The following FLRT3 variants were observed in gnomAD, a reference collection of about 807,000 sequenced individuals.
FLRT3 encodes fibronectin leucine rich transmembrane protein 3, also known as leucine-rich repeat transmembrane protein FLRT3.
A neutral mutation model predicts 42.6 loss-of-function variants in FLRT3; 17 were observed. The observed-to-expected ratio is 0.40, with a 90% CI of 0.27 to 0.60. FLRT3 has a LOEUF of 0.60. Ranked by LOEUF, FLRT3 falls within the 20% of genes least tolerant of loss-of-function variation. The pLI is 0.44. For missense variants in FLRT3, 635 were observed against 789.2 expected, an observed-to-expected ratio of 0.80 and a Z score of 2.34; for synonymous variants, 279 against 286.4, an observed-to-expected ratio of 0.97 and a Z score of 0.26.
chr20:14,333,641 G>T (rs1033370336), intron 1 of FLRT3, among the ~76,000 whole-genome samples: 2 of 152,102 alleles, frequency 1.3e-5, no homozygotes, highest in Admixed American at 1.3e-4. Context: ...AACAGTGTGG[G>T]TACAACTTGG....
At position 14,327,321 on chromosome 20, in the gene FLRT3, AGTTGTAGCATCC is replaced by A; in HGVS notation, c.174_185del (p.Glu58_Thr62delinsAsp). ...TTATTTGGTTGTTCTGAAGGTAGAG[AGTTGTAGCATCC>A]TCTGGTATTCCTGTTGGAATGGATG... On this transcript the variant is annotated inframe_deletion, in exon 3 of 3. Coordinates refer to ENST00000341420, the MANE Select transcript of FLRT3 (RefSeq NM_198391.3). The A allele has an allele frequency of 1.2e-6, 2 of 1,613,810 alleles. No individual in the cohort carries two copies. Among genetic ancestry groups the A allele is most frequent in the Non-Finnish European group, 1.7e-6 (2 of 1,179,774 alleles).
Position 14,325,617 on chromosome 20 carries a change from G to A in FLRT3, c.1890C>T (p.Ser630=). The A allele has an allele frequency of 4.3e-6, 7 of 1,613,556 alleles. No individual in the cohort carries two copies. Among genetic ancestry groups the A allele is most frequent in the Non-Finnish European group, 5.1e-6 (6 of 1,179,662 alleles). Residue 630 remains serine, a synonymous_variant, in exon 3 of 3, where the codon AGC becomes AGT. Coordinates refer to ENST00000341420, the MANE Select transcript of FLRT3 (RefSeq NM_198391.3). ...TGTCTCTGTAGCTTCGGTTACTACT[G>A]CTTTCACTGTGATTGTTTTTGTACA... ...MNLYKNNHSE[S]SSNRSYRDSG... is the part of the protein sequence containing the mutation.
chr20:14,331,913 A>G (rs1347775010), intron 1 of FLRT3, among the ~76,000 whole-genome samples: 2 of 152,144 alleles, frequency 1.3e-5, no homozygotes, highest in Non-Finnish European at 2.9e-5. Flanking sequence ...CACTGACTTC[A>G]GAGCCTTTCT....
rs550377684 is a variant in FLRT3 at position 14,333,687 on chromosome 20, A to G, written c.-247+3717T>C. ...TTAAATTTCTAATATTTAAGTTTCC[A>G]TACAGTAGTTCAGCAAATACATTTA... On this transcript the variant is annotated intron_variant, in intron 1 of 2. Coordinates refer to ENST00000341420, the MANE Select transcript of FLRT3 (RefSeq NM_198391.3). Among the ~76,000 whole-genome samples the G allele has an allele frequency of 6.6e-5, 10 of 152,344 alleles. No homozygotes were observed. In the East Asian group the frequency reaches 1.9e-3, roughly 29 times the overall value.
Position 14,326,805 on chromosome 20 carries a change from C to A in FLRT3, c.702G>T (p.Arg234=), listed in dbSNP as rs1413963482. The change falls in exon 3 of 3, where the codon CGG becomes CGT. Residue 234 remains arginine (R), a synonymous_variant. Coordinates refer to ENST00000341420, the MANE Select transcript of FLRT3 (RefSeq NM_198391.3). The surrounding 1 kb of genome is among the most constrained non-coding windows in gnomAD (Gnocchi z 5.5). ...TTACTGGTGCAGCAGTCAGGGAATT[C>A]CGCACCAGGGACAGCTCTGTCAAAT... ...LVNLTELSLV[R]NSLTAAPVNL... is the part of the protein sequence containing the mutation. 1.9e-6 allele frequency: 3 copies of A among 1,613,752 alleles called. No homozygotes were observed. The South Asian group carries it at 3.3e-5, about 18-fold the overall frequency.
intron 1 of FLRT3, among the ~76,000 whole-genome samples, chr20:14,333,042 A>G (rs1291534737): frequency 6.6e-6 from 1 of 151,938 alleles, no homozygotes; most frequent in African/African-American, 2.4e-5. Flanking sequence ...TGATCATCAG[A>G]TTTCAGGAAA....
chr20:14,334,470 G>A (rs2082900923), intron 1 of FLRT3, among the ~76,000 whole-genome samples: 1 of 152,146 alleles, frequency 6.6e-6, no homozygotes, highest in Admixed American at 6.5e-5. Flanking sequence ...ATGCAGTTTT[G>A]AGGATTAATA....
intron 1 of FLRT3, among the ~76,000 whole-genome samples, chr20:14,332,321 G>T (rs2082859315): frequency 6.6e-6 from 1 of 151,954 alleles, no homozygotes; most frequent in Admixed American, 6.6e-5. Context: ...ACTAATATAA[G>T]AAGTTGTATC....
At position 14,324,787 on chromosome 20, in the gene FLRT3, AT is replaced by A; in HGVS notation, c.*769del. On this transcript the variant is annotated 3_prime_UTR_variant, in exon 3 of 3. Transcript: ENST00000341420. The stretch of plus-strand genomic sequence containing the variant: ...AGTTTCCATGTTTTCCTAAGTACAC[AT>A]TTTCCCCCCAACTTGGAAGCACATT... 6.6e-6 allele frequency: 1 copy of A among 152,144 alleles called. No homozygotes were observed. Among genetic ancestry groups the A allele is most frequent in the Non-Finnish European group, 1.5e-5 (1 of 68,002 alleles). The allele number at this position is 152,144 out of a possible 1,614,324, so 9.4% of individuals were successfully genotyped here.
chr20:14,331,039 C>T (rs2082826988), intron 1 of FLRT3, among the ~76,000 whole-genome samples: 1 of 151,988 alleles, frequency 6.6e-6, no homozygotes. Flanking sequence ...TGAGAACCTG[C>T]TTAAAATGTT....
At position 14,327,570 on chromosome 20, in the gene FLRT3, T is replaced by G; in HGVS notation, c.-52-12A>C. On this transcript the variant is annotated splice_polypyrimidine_tract_variant and intron_variant, in intron 2 of 2. Coordinates refer to ENST00000341420, the MANE Select transcript of FLRT3 (RefSeq NM_198391.3). ...GTTACTTCAGAACCCTAAAATGAAG[T>G]GAGTAAAAAAAGACAGAAAACAATA... is the stretch of plus-strand genomic sequence containing the variant. The G allele has an allele frequency of 6.6e-7, 1 of 1,504,142 alleles. No individual in the cohort carries two copies. The highest frequency in any genetic ancestry group is 2.3e-5 in the East Asian group (1 of 43,432). 93.2% of individuals were successfully genotyped at this position (1,504,142 alleles called of 1,614,324 possible).
Position 14,327,460 on chromosome 20 carries a change from C to T in FLRT3, c.47G>A (p.Gly16Glu), listed in dbSNP as rs755872978. The change falls in exon 3 of 3, where the codon GGG (glycine) becomes GAG (glutamate). Residue 16 changes from glycine (G) to glutamate (E), a missense_variant. By Grantham distance (98) the Gly-to-Glu change is moderately conservative. Transcript: ENST00000341420. ...TAGAGGTGCTACTTGAAGGAACAGCCCAATTTTAGTCCCGATGAGGAAGAT... is the reference window on the plus strand; with the variant it reads ...TAGAGGTGCTACTTGAAGGAACAGCTCAATTTTAGTCCCGATGAGGAAGAT... ...WSIFLIGTKI[G>E]LFLQVAPLSV... The T allele has an allele frequency of 1.1e-5, 18 of 1,613,244 alleles. No individual in the cohort carries two copies. In the Middle Eastern group the frequency reaches 1.8e-3, roughly 162 times the overall value.
Position 14,325,519 on chromosome 20 carries a change from A to G in FLRT3, c.*38T>C. On this transcript the variant is annotated 3_prime_UTR_variant, in exon 3 of 3. Transcript: ENST00000341420. Reference sequence around the variant, plus strand: ...CTACCATCACCTCCCTTAGGTTTAAAAAACCCAAAACACAAGTCTGCTGTG... The same window carrying G: ...CTACCATCACCTCCCTTAGGTTTAAGAAACCCAAAACACAAGTCTGCTGTG... 1.3e-6 allele frequency: 2 copies of G among 1,561,674 alleles called. No individual in the cohort carries two copies. Among genetic ancestry groups the G allele is most frequent in the Non-Finnish European group, 1.7e-6 (2 of 1,155,808 alleles).
chr20:14,330,265 A>G (rs1216213723), intron 1 of FLRT3, among the ~76,000 whole-genome samples: 2 of 152,106 alleles, frequency 1.3e-5, no homozygotes. Flanking sequence ...ATTATCAAAT[A>G]TGCACGAAGA....
intron 1 of FLRT3, among the ~76,000 whole-genome samples, chr20:14,330,716 C>A (rs1256990664): frequency 6.6e-6 from 1 of 152,054 alleles, no homozygotes; most frequent in Non-Finnish European, 1.5e-5. Context: ...AAAGTGCCCA[C>A]AGAGGAAAGT....
At chr20:14,330,646 G>C (rs985377297) in intron 1 of FLRT3, among the ~76,000 whole-genome samples, 1 of 152,008 alleles carries the variant, frequency 6.6e-6, no homozygotes. Context: ...TATTATTTAC[G>C]CAACTTGAAA....
In FLRT3 at chr20:14,323,921, ATAAG is replaced by A. The variant is rs1189554790; in HGVS notation, c.*1632_*1635del. 24 of 152,346 alleles carry A rather than the reference ATAAG, an allele frequency of 1.6e-4. No homozygotes were observed. Among genetic ancestry groups the A allele is most frequent in the African/African-American group, 5.8e-4 (24 of 41,596 alleles). 9.4% of individuals were successfully genotyped at this position (152,346 alleles called of 1,614,324 possible). A position where few individuals can be genotyped will look rare whatever the true frequency, so the allele number is the denominator to read the frequency against. ...CTTAAATTTTCCATCTATACAGTGT[ATAAG>A]TAAGAGGAAATACATTTATACATGA... On this transcript the variant is annotated 3_prime_UTR_variant, in exon 3 of 3. Transcript: ENST00000341420.
In FLRT3 at chr20:14,327,449, G is replaced by T. The variant is rs2082755343; in HGVS notation, c.58C>A (p.Gln20Lys). 6.2e-7 allele frequency: 1 copy of T among 1,613,382 alleles called. No individual in the cohort carries two copies. The part of the protein sequence containing the change: ...LIGTKIGLFL[Q>K]VAPLSVMAKS... ...GCCATAACTGATAGAGGTGCTACTTGAAGGAACAGCCCAATTTTAGTCCCG... is the reference window on the plus strand; with the variant it reads ...GCCATAACTGATAGAGGTGCTACTTTAAGGAACAGCCCAATTTTAGTCCCG... Residue 20 changes from glutamine (Q) to lysine (K), a missense_variant, in exon 3 of 3, where the codon CAA becomes AAA. By Grantham distance (53) the Gln-to-Lys change is moderately conservative. Transcript: ENST00000341420.
In FLRT3 at chr20:14,325,918, G is replaced by T; in HGVS notation, c.1589C>A (p.Ala530Asp). 6.2e-7 allele frequency: 1 copy of T among 1,613,956 alleles called. No individual in the cohort carries two copies. The change falls in exon 3 of 3, where the codon GCT becomes GAT. Residue 530 changes from alanine (A) to aspartate (D), a missense_variant. Physicochemically the swap from Ala to Asp is moderately radical, Grantham distance 126 (BLOSUM62 -2). Coordinates refer to ENST00000341420, the MANE Select transcript of FLRT3 (RefSeq NM_198391.3). ...EPYKNPNLPL[A>D]AIIGGAVALV... The stretch of plus-strand genomic sequence containing the variant: ...GGCCACAGCCCCACCAATGATGGCA[G>T]CCAAAGGTAAATTGGGGTTTTTGTA...
Sources: allele counts gnomAD v4.1 joint callset (sites outside exome capture counted in the v4.1 genomes callset), GRCh38; gene constraint gnomAD v4.1.1; non-coding constraint Gnocchi (gnomAD v3.1); transcripts MANE v1.5; gene names NCBI Gene and HGNC (gene_info 2026-07-23, HGNC 2026-07-21).